POC1B: variants seen among roughly 807,000 people sequenced by gnomAD.
POC1B encodes the protein POC1 centriolar protein homolog B.
Under a neutral mutation model 60.6 loss-of-function variants are expected in POC1B, and 44 were observed. That is an observed-to-expected ratio of 0.73 (90% CI 0.57 to 0.93). POC1B has a LOEUF of 0.93. Ranked by LOEUF, POC1B falls within the 40% of genes least tolerant of loss-of-function variation. The pLI, the probability that POC1B is intolerant of heterozygous loss-of-function variation, is 0.00. For synonymous variants in POC1B, 180 were observed against 198.9 expected (o/e 0.90, Z 0.80); for missense variants, 555 against 572.3 (o/e 0.97, Z 0.31).
intron 10 of POC1B, among the ~76,000 whole-genome samples, chr12:89,453,656 CT>C (rs1882144032): frequency 6.6e-6 from 1 of 152,206 alleles, no homozygotes; most frequent in Non-Finnish European, 1.5e-5. Context: ...CCATTTTACA[CT>C]TTCAAAGTTG....
intron 2 of POC1B, chr12:89,519,617 T>C (rs1354730839): frequency 6.6e-6 from 1 of 152,618 alleles, no homozygotes; most frequent in Non-Finnish European, 1.5e-5. Flanking sequence ...CCAAGTATTT[T>C]ATTAATTAAA....
intron 10 of POC1B, among the ~76,000 whole-genome samples, chr12:89,432,807 G>T (rs1881094134): frequency 6.6e-6 from 1 of 152,216 alleles, no homozygotes; most frequent in African/African-American, 2.4e-5. Context: ...AGATTTCTGT[G>T]GAGAAGCTGG....
chr12:89,511,583 T>C (rs1280313336), intron 2 of POC1B, among the ~76,000 whole-genome samples: 2 of 152,204 alleles, frequency 1.3e-5, no homozygotes, highest in Non-Finnish European at 2.9e-5. Flanking sequence ...CCTGGTGCCA[T>C]GACTTTGTAC....
chr12:89,407,355 C>A, the POC1B span, among the ~76,000 whole-genome samples: 1 of 151,808 alleles, frequency 6.6e-6, no homozygotes, highest in Non-Finnish European at 1.5e-5. Context: ...GCCTCAGCCT[C>A]CCAAGTAGCT....
intron 2 of POC1B, chr12:89,523,925 T>G: frequency 6.2e-7 from 1 of 1,610,234 alleles, no homozygotes; most frequent in Non-Finnish European, 8.5e-7. Flanking sequence ...AGACGGGCCC[T>G]AACCAGCCCC....
intron 11 of POC1B, among the ~76,000 whole-genome samples, chr12:89,424,903 T>C (rs1344577332): frequency 6.6e-6 from 1 of 152,164 alleles, no homozygotes; most frequent in Non-Finnish European, 1.5e-5. Context: ...TCCCAATACA[T>C]TTTTCTTATG....
intron 2 of POC1B, chr12:89,523,875 G>T: frequency 6.4e-7 from 1 of 1,571,114 alleles, no homozygotes. Flanking sequence ...GACAATCCAG[G>T]AAAGTGAGGA....
In POC1B at chr12:89,503,078, T is replaced by TCTATCCCTATCCCTATCC. The variant is rs150344164; in HGVS notation, c.101-5754_101-5737dup. Among the ~76,000 whole-genome samples, 1,100 of 149,820 alleles carry TCTATCCCTATCCCTATCC rather than the reference T, an allele frequency of 7.3e-3. 13 individuals carry two copies. Among genetic ancestry groups the TCTATCCCTATCCCTATCC allele is most frequent in the African/African-American group, 0.017 (710 of 40,696 alleles). On this transcript the variant is annotated intron_variant, in intron 2 of 11. Transcript: ENST00000313546. Reference sequence around the variant, plus strand: ...TATTCATTTTTGTGAAAAAAAGACATCTATCCCTATCCCTATCCCTATCCC... The same window carrying TCTATCCCTATCCCTATCC: ...TATTCATTTTTGTGAAAAAAAGACATCTATCCCTATCCCTATCCCTATCCCTATCCCTATCCCTATCCC...
intron 7 of POC1B, 77 bp from the exon 8 acceptor site, chr12:89,467,762 T>G: frequency 8.8e-7 from 1 of 1,130,518 alleles, no homozygotes; most frequent in Non-Finnish European, 1.3e-6. Context: ...TGGATATCAA[T>G]TTCTCATCCT....
the POC1B span, among the ~76,000 whole-genome samples, chr12:89,411,110 G>A: frequency 5.9e-5 from 9 of 152,158 alleles, no homozygotes; most frequent in Non-Finnish European, 1.3e-4. Context: ...ACTGCTCAAG[G>A]AAATAAGGGA....
At chr12:89,417,036 A>T (rs1880376438), downstream of POC1B, among the ~76,000 whole-genome samples, 2 of 152,262 alleles carry the variant, frequency 1.3e-5, no homozygotes, top group Admixed American at 1.3e-4. Context: ...ATTATTGAAT[A>T]AACAAAATCT....
chr12:89,517,116 C>T (rs1275264227), intron 2 of POC1B, among the ~76,000 whole-genome samples: 1 of 152,216 alleles, frequency 6.6e-6, no homozygotes, highest in Non-Finnish European at 1.5e-5. Flanking sequence ...CCTCCCCCTA[C>T]AGCTTCATCT....
intron 2 of POC1B, chr12:89,501,761 A>G: frequency 1.1e-6 from 1 of 946,516 alleles, no homozygotes; most frequent in South Asian, 1.3e-5. Context: ...TTACCACTGC[A>G]TCACAACAGT....
At chr12:89,452,109 G>T (rs1006116256) in intron 10 of POC1B, among the ~76,000 whole-genome samples, 1 of 152,142 alleles carries the variant, frequency 6.6e-6, no homozygotes, top group Non-Finnish European at 1.5e-5. Context: ...GAAGAGGAAG[G>T]AACCAGTTGT....
intron 10 of POC1B, among the ~76,000 whole-genome samples, chr12:89,455,279 G>A (rs1307585614): frequency 6.6e-6 from 1 of 152,156 alleles, no homozygotes; most frequent in Non-Finnish European, 1.5e-5. Context: ...AGGCTGCAGT[G>A]AGCCGAGACA....
intron 2 of POC1B, among the ~76,000 whole-genome samples, chr12:89,505,274 A>G (rs1033395197): frequency 3.9e-5 from 6 of 152,252 alleles, no homozygotes; most frequent in East Asian, 1.9e-4. Context: ...TGAAATATCT[A>G]TTGAAGCTGA....
chr12:89,406,974 C>G, the POC1B span, among the ~76,000 whole-genome samples: 1 of 151,036 alleles, frequency 6.6e-6, no homozygotes, highest in Non-Finnish European at 1.5e-5. Context: ...GCCGAAACCC[C>G]CGTCTCTACT....
intron 10 of POC1B, among the ~76,000 whole-genome samples, chr12:89,456,095 A>G (rs1404238247): frequency 6.6e-6 from 1 of 152,008 alleles, no homozygotes; most frequent in African/African-American, 2.4e-5. Flanking sequence ...ATCTCGGCTC[A>G]CTGCAACCTC....
chr12:89,459,043 G>A, intron 10 of POC1B, among the ~76,000 whole-genome samples: 1 of 152,142 alleles, frequency 6.6e-6, no homozygotes, highest in East Asian at 1.9e-4. Flanking sequence ...CGGCAGTGCT[G>A]TTTTTCTTAC....
Sources: allele counts gnomAD v4.1 joint callset (sites outside exome capture counted in the v4.1 genomes callset), GRCh38; gene constraint gnomAD v4.1.1; transcripts MANE v1.5; gene names NCBI Gene and HGNC (gene_info 2026-07-23, HGNC 2026-07-21).